PRUNE2: variants seen among roughly 807,000 people sequenced by gnomAD.
PRUNE2 encodes prune homolog 2 with BCH domain.
PRUNE2 carries 164 observed loss-of-function variants against 252.0 expected under a neutral mutation model. The ratio of observed to expected loss-of-function variants is 0.65; its 90% CI spans 0.57 to 0.74. The LOEUF is 0.74. Among genes scored for constraint, PRUNE2 ranks in the 30% least tolerant of loss-of-function variants. The pLI is 0.00. For missense variants in PRUNE2, 3,495 were observed against 3,711.0 expected, an observed-to-expected ratio of 0.94 and a Z score of 1.51; for synonymous variants, 1,292 against 1,350.2, an observed-to-expected ratio of 0.96 and a Z score of 0.94.
chr9:76,816,975 T>C (rs1039688296), intron 6 of PRUNE2, among the ~76,000 whole-genome samples: 1 of 152,218 alleles, frequency 6.6e-6, no homozygotes, highest in African/African-American at 2.4e-5. Flanking sequence ...CTTCTCTGTA[T>C]CAGGCACCAA....
chr9:76,886,287 G>C (rs72735035), intron 1 of PRUNE2, among the ~76,000 whole-genome samples: 17,633 of 151,904 alleles, frequency 0.12, 1,275 homozygotes, highest in East Asian at 0.25. Flanking sequence ...AAGACCCAAA[G>C]AGGTTAAGGA....
chr9:76,794,849 A>C (rs1344136830), intron 6 of PRUNE2, among the ~76,000 whole-genome samples: 1 of 152,186 alleles, frequency 6.6e-6, no homozygotes, highest in Non-Finnish European at 1.5e-5. Flanking sequence ...AGGACAAATC[A>C]CATTAAGTTT....
At position 76,685,331 on chromosome 9, in the gene PRUNE2, C is replaced by T. The variant is rs531939743; in HGVS notation, c.8276+18006G>A. 1.2e-4 allele frequency among the ~76,000 whole-genome samples: 19 copies of T among 152,266 alleles called. No individual in the cohort carries two copies. The South Asian group carries it at 2.7e-3, about 22-fold the overall frequency. ...AGACTCATCACTGAAGTACAATAAA[C>T]GGTTTATGGGGTTGGGGGCCTGTCA... On this transcript the variant is annotated intron_variant, in intron 9 of 18. Transcript: ENST00000376718.
chr9:76,647,884 C>T (rs1247913200), intron 11 of PRUNE2, among the ~76,000 whole-genome samples: 4 of 152,116 alleles, frequency 2.6e-5, no homozygotes, highest in Non-Finnish European at 5.9e-5. Flanking sequence ...ATCGCTTGAA[C>T]CCAAGAGCTA....
intron 1 of PRUNE2, among the ~76,000 whole-genome samples, chr9:76,900,146 A>G (rs1430142593): frequency 6.6e-6 from 1 of 152,200 alleles, no homozygotes; most frequent in Non-Finnish European, 1.5e-5. Context: ...GCCATTCACT[A>G]AGACAAGGAA....
chr9:76,773,712 G>T (rs2053381869), intron 6 of PRUNE2, among the ~76,000 whole-genome samples: 1 of 152,128 alleles, frequency 6.6e-6, no homozygotes, highest in African/African-American at 2.4e-5. Flanking sequence ...CCAAAGTGCT[G>T]GGATTACAGG....
intron 6 of PRUNE2, among the ~76,000 whole-genome samples, chr9:76,732,139 C>A (rs185443275): frequency 2.2e-4 from 34 of 152,134 alleles, no homozygotes; most frequent in African/African-American, 7.7e-4. Flanking sequence ...ATGGTGAAAC[C>A]CTGTCTCTAC....
chr9:76,864,386 A>G (rs560177009), intron 1 of PRUNE2, among the ~76,000 whole-genome samples: 7 of 152,220 alleles, frequency 4.6e-5, no homozygotes, highest in Admixed American at 6.5e-5. Context: ...TGTATCCTAA[A>G]CCTCAGCAGC....
intron 15 of PRUNE2, among the ~76,000 whole-genome samples, chr9:76,632,263 C>G (rs887689791): frequency 6.6e-6 from 1 of 152,162 alleles, no homozygotes; most frequent in Admixed American, 6.5e-5. Flanking sequence ...TGCCATATAC[C>G]TCTATCATAG....
At position 76,850,592 on chromosome 9, in the gene PRUNE2, G is replaced by A. The variant is rs764479509; in HGVS notation, c.215C>T (p.Thr72Met). ...PRTEFNYFTE[T>M]RFILEELNIS... ...ATTTAGCTCTTCTAAAATAAACCTCGTCTCGGTGAAGTAGTTGAATTCAGT... is the reference window on the plus strand; with the variant it reads ...ATTTAGCTCTTCTAAAATAAACCTCATCTCGGTGAAGTAGTTGAATTCAGT... The change falls in exon 3 of 19, where the codon ACG (threonine) becomes ATG (methionine). Residue 72 changes from threonine to methionine, a missense_variant. Coordinates refer to ENST00000376718, the MANE Select transcript of PRUNE2 (RefSeq NM_015225.3). 7.4e-6 allele frequency: 12 copies of A among 1,613,726 alleles called. No homozygotes were observed. The South Asian group carries it at 7.7e-5, about 10-fold the overall frequency.
intron 9 of PRUNE2, among the ~76,000 whole-genome samples, chr9:76,667,115 T>C (rs1368841362): frequency 1.3e-5 from 2 of 152,182 alleles, no homozygotes; most frequent in Non-Finnish European, 2.9e-5. Flanking sequence ...CAAAACATAA[T>C]TTAGAAATAT....
chr9:76,862,635 C>T (rs1708995907), intron 1 of PRUNE2: 1 of 152,078 alleles, frequency 6.6e-6, no homozygotes, highest in Admixed American at 6.6e-5. Context: ...CACATAGCAC[C>T]CTACACTCAC....
chr9:76,847,821 C>A (rs1162322920), intron 3 of PRUNE2, among the ~76,000 whole-genome samples: 2 of 152,204 alleles, frequency 1.3e-5, no homozygotes, highest in African/African-American at 4.8e-5. Context: ...AGCTAGAGTT[C>A]ACAATCCCAG....
At chr9:76,880,126 G>C (rs1257115565) in intron 1 of PRUNE2, among the ~76,000 whole-genome samples, 1 of 151,604 alleles carries the variant, frequency 6.6e-6, no homozygotes, top group Non-Finnish European at 1.5e-5. Flanking sequence ...TGTTAGCCAG[G>C]ATGGTCTCGA....
intron 1 of PRUNE2, among the ~76,000 whole-genome samples, chr9:76,889,832 C>T (rs961816410): frequency 6.6e-6 from 1 of 152,276 alleles, no homozygotes; most frequent in Non-Finnish European, 1.5e-5. Flanking sequence ...CTCATCAATG[C>T]TCTGGACACT....
chr9:76,865,033 G>C (rs1386658159), intron 1 of PRUNE2, among the ~76,000 whole-genome samples: 2 of 152,192 alleles, frequency 1.3e-5, no homozygotes, highest in African/African-American at 2.4e-5. Context: ...GAGAATTGCT[G>C]TTATGTTATT....
intron 10 of PRUNE2, among the ~76,000 whole-genome samples, chr9:76,652,965 C>A (rs1847985485): frequency 6.6e-6 from 1 of 152,096 alleles, no homozygotes; most frequent in South Asian, 2.1e-4. Flanking sequence ...ACGTGGCTGC[C>A]AAGAGTGGGT....
rs536743726 is a variant in PRUNE2, at chr9:76,854,398, T to C, written c.37-190A>G. ...GTGTTTAACACTCTGAAATATTCACTCAAACTCTAGTAAACTTTCTGGAAG... is the reference window on the plus strand; with the variant it reads ...GTGTTTAACACTCTGAAATATTCACCCAAACTCTAGTAAACTTTCTGGAAG... On this transcript the variant is annotated intron_variant, in intron 1 of 18. Coordinates refer to ENST00000376718, the MANE Select transcript of PRUNE2 (RefSeq NM_015225.3). 2.0e-5 allele frequency among the ~76,000 whole-genome samples: 3 copies of C among 152,362 alleles called. No homozygotes were observed. The South Asian group carries it at 6.2e-4, about 32-fold the overall frequency.
chr9:76,649,885 T>A lies in PRUNE2; in HGVS notation c.8557+2598A>T, dbSNP rs936718162. On this transcript the variant is annotated intron_variant, in intron 11 of 18. Transcript: ENST00000376718. ...AGGTGTTTGGTCATCAGCTACTGAA[T>A]AAAACAGGCAAATGGCCTGAAAACC... 2.6e-5 allele frequency among the ~76,000 whole-genome samples: 4 copies of A among 151,462 alleles called. No homozygotes were observed. In the East Asian group the frequency reaches 7.7e-4, roughly 29 times the overall value.
Sources: gnomAD v4.1 joint callset for allele counts (sites outside exome capture counted in the v4.1 genomes callset) on GRCh38, gnomAD v4.1.1 for gene constraint, MANE v1.5 for transcripts, NCBI Gene and HGNC (gene_info 2026-07-23, HGNC 2026-07-21) for gene names.